Variants in SMPD3 observed in about 807,000 individuals in gnomAD.
SMPD3 encodes nSMase-2.
In SMPD3, 21 loss-of-function variants were observed where a neutral mutation model predicts 55.7. The ratio of observed to expected loss-of-function variants is 0.38; its 90% confidence interval spans 0.27 to 0.54. The LOEUF is 0.54. Ranked by LOEUF, SMPD3 falls within the 20% of genes least tolerant of loss-of-function variation. The probability of loss-of-function intolerance (pLI) is 0.80; values close to 1 mark genes in which losing one functional copy is unlikely to be tolerated. For synonymous variants in SMPD3, 457 were observed against 404.3 expected, an observed-to-expected ratio of 1.13 and a Z score of -1.56; for missense variants, 842 against 899.6, an observed-to-expected ratio of 0.94 and a Z score of 0.82.
intron 1 of SMPD3, among the ~76,000 whole-genome samples, chr16:68,433,404 T>G (rs1453821652): frequency 6.6e-6 from 1 of 152,226 alleles, no homozygotes; most frequent in African/African-American, 2.4e-5. Context: ...TATGGAGTGA[T>G]GTCCAGTCAG....
At chr16:68,395,435 C>T (rs968409794) in intron 1 of SMPD3, among the ~76,000 whole-genome samples, 3 of 152,226 alleles carry the variant, frequency 2.0e-5, no homozygotes, top group Non-Finnish European at 2.9e-5. Flanking sequence ...GTTTGTCTTG[C>T]AGAGTGAAAT....
intron 1 of SMPD3, among the ~76,000 whole-genome samples, chr16:68,406,717 C>T (rs1433456667): frequency 6.6e-6 from 1 of 152,158 alleles, no homozygotes; most frequent in African/African-American, 2.4e-5. Flanking sequence ...TGGTTGGGGA[C>T]GCTTATTGTT....
chr16:68,406,802 C>T (rs1419385631), intron 1 of SMPD3, among the ~76,000 whole-genome samples: 1 of 152,190 alleles, frequency 6.6e-6, no homozygotes, highest in Non-Finnish European at 1.5e-5. Context: ...TCAGAAAACA[C>T]AGTTTCAGGG....
At chr16:68,368,426 G>A (rs983567375) in intron 3 of SMPD3, 2 of 152,730 alleles carry the variant, frequency 1.3e-5, no homozygotes, top group African/African-American at 4.8e-5. Context: ...GGCCTCAGAC[G>A]AGGAGGGTGG....
chr16:68,363,293 CT>C (rs2089370292), intron 7 of SMPD3, among the ~76,000 whole-genome samples: 1 of 152,176 alleles, frequency 6.6e-6, no homozygotes, highest in Non-Finnish European at 1.5e-5. Flanking sequence ...GCCAGTACCC[CT>C]GGGCGTGAGG....
At chr16:68,426,663 C>T (rs1325335238) in intron 1 of SMPD3, among the ~76,000 whole-genome samples, 2 of 152,180 alleles carry the variant, frequency 1.3e-5, no homozygotes, top group African/African-American at 4.8e-5. Context: ...GAAATATCCT[C>T]AAGAGGCCAA....
rs539767050 is a variant in SMPD3 at position 68,445,621 on chromosome 16, G to A, written c.-269+2732C>T. On this transcript the variant is annotated intron_variant, in intron 1 of 8. Coordinates refer to ENST00000219334, the MANE Select transcript of SMPD3 (RefSeq NM_018667.4). ...GGGGGAGTGTTAGTTGCCAAATTGT[G>A]ACTGGTTTAACCTCTTTCCAGCAGA... Among the ~76,000 whole-genome samples the A allele has an allele frequency of 2.4e-4, 37 of 152,332 alleles. No individual in the cohort carries two copies. In the Middle Eastern group the frequency reaches 0.024, roughly 98 times the overall value.
intron 1 of SMPD3, among the ~76,000 whole-genome samples, chr16:68,429,931 A>C (rs765857885): frequency 4.6e-5 from 7 of 152,016 alleles, no homozygotes; most frequent in Admixed American, 2.0e-4. Context: ...TGAAGTCCAG[A>C]CTCAAGACAG....
chr16:68,390,703 T>G (rs1047161761), intron 1 of SMPD3, among the ~76,000 whole-genome samples: 1 of 152,142 alleles, frequency 6.6e-6, no homozygotes, highest in Non-Finnish European at 1.5e-5. Flanking sequence ...CTTCTGGGAA[T>G]GCAGCCCAGC....
chr16:68,429,971 C>T (rs1309248477), intron 1 of SMPD3, among the ~76,000 whole-genome samples: 1 of 152,208 alleles, frequency 6.6e-6, no homozygotes, highest in East Asian at 1.9e-4. Context: ...ACCCACTCCC[C>T]TCTTTGAAAG....
At chr16:68,443,998 T>A (rs1434398752) in intron 1 of SMPD3, among the ~76,000 whole-genome samples, 1 of 152,212 alleles carries the variant, frequency 6.6e-6, no homozygotes, top group Non-Finnish European at 1.5e-5. Flanking sequence ...GAGGATTAAA[T>A]ACATTCTTAC....
Position 68,371,731 on chromosome 16 carries a change from C to A in SMPD3, c.451G>T (p.Ala151Ser), listed in dbSNP as rs1478947223. ...VNNLFNTQAR[A>S]KEIGQRIRNG... ...CGGATTCTCTGCCCGATCTCCTTGG[C>A]CCGCGCTTGGGTGTTAAAAAGGTTG... The change falls in exon 3 of 9, where the codon GCC becomes TCC. Residue 151 changes from alanine to serine, a missense_variant. Physicochemically the swap from Ala to Ser is moderately conservative, Grantham distance 99. Coordinates refer to ENST00000219334, the MANE Select transcript of SMPD3 (RefSeq NM_018667.4). The A allele has an allele frequency of 1.2e-6, 2 of 1,603,400 alleles. No homozygotes were observed. The highest frequency in any genetic ancestry group is 2.2e-5 in the South Asian group (2 of 89,960).
intron 2 of SMPD3, among the ~76,000 whole-genome samples, chr16:68,384,361 A>G (rs2151999200): frequency 6.6e-6 from 1 of 152,376 alleles, no homozygotes; most frequent in East Asian, 1.9e-4. Context: ...AGAGGACCTT[A>G]GGCTGAGGCC....
chr16:68,417,830 C>T (rs909373372), intron 1 of SMPD3, among the ~76,000 whole-genome samples: 6 of 152,218 alleles, frequency 3.9e-5, no homozygotes, highest in African/African-American at 1.4e-4. Flanking sequence ...TGAGTAAACA[C>T]ATACATACAG....
Position 68,370,829 on chromosome 16 carries a change from T to G in SMPD3, c.1323+30A>C, listed in dbSNP as rs575172578. ...CATGGCTCTAGGACCAGCTGGCACG[T>G]GGTCCTCAGGCTGGGCCGAGGTCTC... On this transcript the variant is annotated intron_variant, in intron 3 of 8. Transcript: ENST00000219334. 17 of 1,610,550 alleles carry G rather than the reference T, an allele frequency of 1.1e-5. No homozygotes were observed. In the South Asian group the frequency reaches 1.7e-4, roughly 16 times the overall value.
In SMPD3 at chr16:68,358,702, G is replaced by A. The variant is rs139159174; in HGVS notation, c.*2504C>T. 14 of 152,654 alleles carry A rather than the reference G, an allele frequency of 9.2e-5. No individual in the cohort carries two copies. The East Asian group carries it at 1.5e-3, about 16-fold the overall frequency. The allele number at this position is 152,654 out of a possible 1,614,324, so 9.5% of individuals were successfully genotyped here. Reference sequence around the variant, plus strand: ...AACATTTCCTTCCTCAGTGGCCCCCGCGCCTTGTGGCTTCCTTTGAGACTG... The same window carrying A: ...AACATTTCCTTCCTCAGTGGCCCCCACGCCTTGTGGCTTCCTTTGAGACTG... On this transcript the variant is annotated 3_prime_UTR_variant, in exon 9 of 9. Coordinates refer to ENST00000219334, the MANE Select transcript of SMPD3 (RefSeq NM_018667.4).
chr16:68,361,560 T>C (rs1235764480), intron 8 of SMPD3, 43 bp downstream of exon 8: 6 of 1,597,812 alleles, frequency 3.8e-6, no homozygotes, highest in Non-Finnish European at 4.2e-6. Flanking sequence ...CGGGCCCTGC[T>C]CTCTCTTTGC....
intron 1 of SMPD3, among the ~76,000 whole-genome samples, chr16:68,423,545 C>G (rs1211096626): frequency 6.6e-6 from 1 of 152,164 alleles, no homozygotes; most frequent in Non-Finnish European, 1.5e-5. Flanking sequence ...CCCCCTTGAT[C>G]TTGGACTTCC....
In SMPD3 at chr16:68,360,940, G is replaced by T; in HGVS notation, c.*266C>A. 1 of 475,928 alleles carries T rather than the reference G, an allele frequency of 2.1e-6. No individual in the cohort carries two copies. Among genetic ancestry groups the T allele is most frequent in the South Asian group, 2.7e-5 (1 of 36,672 alleles). The allele number at this position is 475,928 out of a possible 1,614,324, so 29.5% of individuals were successfully genotyped here. A position where few individuals can be genotyped will look rare whatever the true frequency, so the allele number is the denominator to read the frequency against. Reference sequence around the variant, plus strand: ...TAACCCACGGGTTACAAACTCGGTTGTGCTGTAGATTTGTAGAAAATCGTG... The same window carrying T: ...TAACCCACGGGTTACAAACTCGGTTTTGCTGTAGATTTGTAGAAAATCGTG... On this transcript the variant is annotated 3_prime_UTR_variant, in exon 9 of 9. Transcript: ENST00000219334.
Sources: gnomAD v4.1 joint callset for allele counts (sites outside exome capture counted in the v4.1 genomes callset) on GRCh38, gnomAD v4.1.1 for gene constraint, MANE v1.5 for transcripts, NCBI Gene and HGNC (gene_info 2026-07-23, HGNC 2026-07-21) for gene names.